Variants in CTNNA3 observed in about 807,000 individuals in gnomAD.
The protein encoded by CTNNA3 is catenin alpha 3, also known as catenin alpha-3.
Under a neutral mutation model 95.7 loss-of-function variants are expected in CTNNA3, and 76 were observed. The ratio of observed to expected loss-of-function variants is 0.79; its 90% confidence interval spans 0.66 to 0.96. The LOEUF (loss-of-function observed/expected upper bound fraction) is 0.96. CTNNA3 is among the 40% of genes least tolerant of loss of function. The probability of loss-of-function intolerance (pLI) is 0.00; values close to 1 mark genes in which losing one functional copy is unlikely to be tolerated. For missense variants in CTNNA3, 1,191 were observed against 1,089.8 expected (o/e 1.09, Z -1.31); for synonymous variants, 431 against 374.4 (o/e 1.15, Z -1.74).
At position 66,360,731 on chromosome 10, in the gene CTNNA3, T is replaced by C. The variant is rs866325371; in HGVS notation, c.1732+18421A>G. Reference sequence around the variant, plus strand: ...TTCCTCCTTCCTTTCTTCCTTTCTTTCTTTCTTTCTTTCTTCCTTCCTTCC... The same window carrying C: ...TTCCTCCTTCCTTTCTTCCTTTCTTCCTTTCTTTCTTTCTTCCTTCCTTCC... On this transcript the variant is annotated intron_variant, in intron 12 of 17. Transcript: ENST00000433211. Among the ~76,000 whole-genome samples, 16 of 71,878 alleles carry C rather than the reference T, an allele frequency of 2.2e-4. 2 individuals are homozygous for C. The highest frequency in any genetic ancestry group is 9.1e-4 in the Admixed American group (6 of 6,604). The allele number at this position is 71,878 out of a possible 152,430, so 47.2% of individuals were successfully genotyped here.
chr10:66,477,374 T>C (rs1839364180), intron 11 of CTNNA3, among the ~76,000 whole-genome samples: 1 of 152,108 alleles, frequency 6.6e-6, no homozygotes, highest in African/African-American at 2.4e-5. Flanking sequence ...ATGCAAAAAT[T>C]GGACAGAAGG....
intron 5 of CTNNA3, among the ~76,000 whole-genome samples, chr10:67,260,796 C>T (rs574463888): frequency 5.9e-5 from 9 of 151,800 alleles, no homozygotes; most frequent in Non-Finnish European, 1.0e-4. Context: ...GCGATTCTCT[C>T]GCCTCAGCCT....
chr10:67,702,495 T>C lies in CTNNA3; in HGVS notation c.-1-54981A>G, dbSNP rs1841047337. On this transcript the variant is annotated intron_variant, in intron 1 of 17. Coordinates refer to the CTNNA3 transcript ENST00000684154. ...ACTCATTCAAAACCGCTCAACTACA[T>C]GGAAACTAAACAACCTGCTCCTGAA... Among the ~76,000 whole-genome samples, 3 of 152,102 alleles carry C rather than the reference T, an allele frequency of 2.0e-5. No individual in the cohort carries two copies. The South Asian group carries it at 6.2e-4, about 32-fold the overall frequency.
intron 5 of CTNNA3, among the ~76,000 whole-genome samples, chr10:67,429,865 T>C (rs189130601): frequency 6.6e-6 from 1 of 152,054 alleles, no homozygotes; most frequent in East Asian, 1.9e-4. Context: ...ATGCACATGT[T>C]TTTTTGGTTA....
At chr10:67,688,025 T>A (rs1417325423) in intron 1 of CTNNA3, among the ~76,000 whole-genome samples, 2 of 152,150 alleles carry the variant, frequency 1.3e-5, no homozygotes, top group African/African-American at 4.8e-5. Context: ...CTCCAAACTC[T>A]CGGGCTGCAA....
intron 2 of CTNNA3, among the ~76,000 whole-genome samples, chr10:67,612,200 A>G (rs965806943): frequency 2.0e-5 from 3 of 152,224 alleles, no homozygotes; most frequent in African/African-American, 7.2e-5. Flanking sequence ...AAGCCAATAA[A>G]CACTTATATT....
intron 6 of CTNNA3, among the ~76,000 whole-genome samples, chr10:67,182,489 A>G (rs1862605858): frequency 6.6e-6 from 1 of 152,120 alleles, no homozygotes; most frequent in Admixed American, 6.5e-5. Flanking sequence ...AGCCATATGT[A>G]GAAAGCTGAA....
intron 5 of CTNNA3, among the ~76,000 whole-genome samples, chr10:67,248,899 A>C (rs751682014): frequency 1.1e-4 from 17 of 152,226 alleles, no homozygotes; most frequent in Non-Finnish European, 2.2e-4. Flanking sequence ...CTACTGCTCA[A>C]GGTCATTGCC....
At chr10:66,432,043 G>C (rs2093301204) in intron 11 of CTNNA3, among the ~76,000 whole-genome samples, 1 of 151,890 alleles carries the variant, frequency 6.6e-6, no homozygotes, top group African/African-American at 2.4e-5. Context: ...GGAAAAGTTT[G>C]TGTTTTGATC....
At chr10:66,547,101 A>G (rs543490826) in intron 10 of CTNNA3, among the ~76,000 whole-genome samples, 37 of 152,144 alleles carry the variant, frequency 2.4e-4, no homozygotes, top group South Asian at 1.2e-3. Context: ...TCTCTTGCAC[A>G]TATTGCTAAT....
intron 5 of CTNNA3, among the ~76,000 whole-genome samples, chr10:67,358,637 A>G (rs1236553809): frequency 6.6e-6 from 1 of 152,036 alleles, no homozygotes; most frequent in Admixed American, 6.6e-5. Context: ...TATCTTCTAC[A>G]CTTGACCTAC....
At chr10:66,582,945 C>T (rs1350164938) in intron 10 of CTNNA3, among the ~76,000 whole-genome samples, 1 of 151,390 alleles carries the variant, frequency 6.6e-6, no homozygotes, top group Non-Finnish European at 1.5e-5. Flanking sequence ...CACATTTATT[C>T]CCTTGAATTT....
intron 5 of CTNNA3, among the ~76,000 whole-genome samples, chr10:67,363,993 G>C (rs1198474966): frequency 1.3e-5 from 2 of 152,154 alleles, no homozygotes; most frequent in African/African-American, 4.8e-5. Context: ...GCATCATCCT[G>C]ATACCAAAGC....
At chr10:67,718,028 C>G (rs1841154798) in intron 1 of CTNNA3, among the ~76,000 whole-genome samples, 1 of 152,106 alleles carries the variant, frequency 6.6e-6, no homozygotes, top group Non-Finnish European at 1.5e-5. Flanking sequence ...TGAAGAGGTC[C>G]TCACACATCC....
chr10:66,940,277 G>T (rs1170252288), intron 7 of CTNNA3, among the ~76,000 whole-genome samples: 1 of 152,040 alleles, frequency 6.6e-6, no homozygotes, highest in Non-Finnish European at 1.5e-5. Flanking sequence ...AGGCAAGGAG[G>T]ATCACTTGAG....
chr10:66,300,949 AAGAG>A (rs2091853707), intron 12 of CTNNA3, among the ~76,000 whole-genome samples: 1 of 152,080 alleles, frequency 6.6e-6, no homozygotes, highest in Non-Finnish European at 1.5e-5. Context: ...ACTAAAAAAA[AAGAG>A]AGAAGATACA....
At chr10:66,736,374 G>T (rs957851454) in intron 9 of CTNNA3, among the ~76,000 whole-genome samples, 2 of 150,650 alleles carry the variant, frequency 1.3e-5, no homozygotes, top group African/African-American at 2.4e-5. Context: ...TTTAATTTTA[G>T]TGGAGACTGG....
intron 6 of CTNNA3, among the ~76,000 whole-genome samples, chr10:67,208,498 A>C (rs1864005297): frequency 1.3e-5 from 2 of 152,158 alleles, no homozygotes; most frequent in South Asian, 2.1e-4. Context: ...AAAATAGCTA[A>C]CATCAAAATC....
chr10:67,478,911 G>A (rs1848116864), intron 5 of CTNNA3, among the ~76,000 whole-genome samples: 1 of 149,866 alleles, frequency 6.7e-6, no homozygotes, highest in Admixed American at 6.7e-5. Flanking sequence ...ACCAAGTAAT[G>A]AGTTGGGAAA....
Sources: allele counts gnomAD v4.1 joint callset (sites outside exome capture counted in the v4.1 genomes callset), GRCh38; gene constraint gnomAD v4.1.1; transcripts MANE v1.5; gene names NCBI Gene and HGNC (gene_info 2026-07-23, HGNC 2026-07-21).